DGKI: variants seen among roughly 807,000 people sequenced by gnomAD.
The protein encoded by DGKI is DAG kinase iota.
A neutral mutation model predicts 147.5 loss-of-function variants in DGKI; 55 were observed. That is an observed-to-expected ratio of 0.37 (90% CI 0.30 to 0.47). The LOEUF (loss-of-function observed/expected upper bound fraction) is 0.47, where lower values mean the gene tolerates loss of function less well. Among genes scored for constraint, DGKI ranks in the 20% least tolerant of loss-of-function variants. The pLI, the probability that DGKI is intolerant of heterozygous loss-of-function variation, is 1.00. For missense variants in DGKI, 1,007 were observed against 1,323.8 expected (o/e 0.76, Z 3.71); for synonymous variants, 469 against 477.1 (o/e 0.98, Z 0.22).
intron 1 of DGKI, among the ~76,000 whole-genome samples, chr7:137,747,251 A>G (rs1484953361): frequency 6.6e-6 from 1 of 152,146 alleles, no homozygotes; most frequent in African/African-American, 2.4e-5. Flanking sequence ...TAAAAAGTTT[A>G]CTTTCAGCCC....
chr7:137,752,413 A>T (rs1401481130), intron 1 of DGKI, among the ~76,000 whole-genome samples: 1 of 152,230 alleles, frequency 6.6e-6, no homozygotes, highest in Non-Finnish European at 1.5e-5. Context: ...AAATGTACGG[A>T]ATTCCGCTAA....
rs370450433 is a variant in DGKI at position 137,437,751 on chromosome 7, C to A, written c.2761+6326G>T. Among the ~76,000 whole-genome samples, 428 of 151,970 alleles carry A rather than the reference C, an allele frequency of 2.8e-3. 1 individual carries two copies. The highest frequency in any genetic ancestry group is 5.0e-3 in the South Asian group (24 of 4,816). ...TGGACTCATACCAAAGTTATAACAA[C>A]TAAAACAATAGCACAGGGATAGATA... On this transcript the variant is annotated intron_variant, in intron 28 of 32. Transcript: ENST00000614521.
At chr7:137,617,094 GGCAATGTACT>G (rs1156974673) in intron 8 of DGKI, among the ~76,000 whole-genome samples, 1 of 133,358 alleles carries the variant, frequency 7.5e-6, no homozygotes, top group Admixed American at 8.2e-5. Context: ...TTCCTGTGAT[GGCAATGTACT>G]GCCAGTGTAT....
In DGKI at chr7:137,466,046, A is replaced by G; in HGVS notation, c.2485-11T>C. On this transcript the variant is annotated splice_polypyrimidine_tract_variant and intron_variant, in intron 25 of 32. Transcript: ENST00000614521. ...AAAGTGCAAATGTTCCTAAAGAAGA[A>G]CAAGAAGTCTGTTGCATGAAGAATA... The G allele has an allele frequency of 6.2e-7, 1 of 1,613,254 alleles. No individual in the cohort carries two copies. The highest frequency in any genetic ancestry group is 1.1e-5 in the South Asian group (1 of 90,952).
chr7:137,715,683 C>A (rs1328015856), intron 1 of DGKI, among the ~76,000 whole-genome samples: 2 of 152,164 alleles, frequency 1.3e-5, no homozygotes, highest in African/African-American at 4.8e-5. Context: ...TGCAAATGAA[C>A]AAAGGGTGTG....
intron 6 of DGKI, among the ~76,000 whole-genome samples, chr7:137,624,409 T>A (rs1238182459): frequency 6.6e-6 from 1 of 152,192 alleles, no homozygotes; most frequent in Non-Finnish European, 1.5e-5. Flanking sequence ...CAGAAAGATG[T>A]GATAGGCAGG....
chr7:137,653,151 C>T (rs1008842424), intron 5 of DGKI, among the ~76,000 whole-genome samples: 19 of 152,146 alleles, frequency 1.2e-4, no homozygotes, highest in Non-Finnish European at 2.4e-4. Context: ...TGTGCGCGCG[C>T]GTGCGCGCAC....
At chr7:137,604,251 C>T (rs573156762) in intron 10 of DGKI, among the ~76,000 whole-genome samples, 55 of 152,298 alleles carry the variant, frequency 3.6e-4, no homozygotes, top group African/African-American at 1.3e-3. Flanking sequence ...TACTCTAAAC[C>T]TTAGGGAGCC....
At chr7:137,538,127 T>C (rs575946492) in intron 20 of DGKI, among the ~76,000 whole-genome samples, 2 of 152,322 alleles carry the variant, frequency 1.3e-5, no homozygotes, top group Non-Finnish European at 2.9e-5. Context: ...AGTTTACTTC[T>C]CTGGCCAGAG....
chr7:137,463,330 G>A (rs999716052), intron 27 of DGKI, among the ~76,000 whole-genome samples, 159 bp downstream of exon 27: 3 of 152,158 alleles, frequency 2.0e-5, no homozygotes, highest in African/African-American at 4.8e-5. Flanking sequence ...AGATAAATAT[G>A]AGCAAGGTGC....
chr7:137,718,565 G>A (rs753116459), intron 1 of DGKI, among the ~76,000 whole-genome samples: 1 of 152,230 alleles, frequency 6.6e-6, no homozygotes. Flanking sequence ...ACAGCTCCAG[G>A]CTCAGTGGCA....
At chr7:137,646,283 G>A (rs1045499356) in intron 5 of DGKI, among the ~76,000 whole-genome samples, 1 of 152,208 alleles carries the variant, frequency 6.6e-6, no homozygotes, top group Admixed American at 6.5e-5. Flanking sequence ...TCACTAGATA[G>A]AGTGAAGAAA....
intron 20 of DGKI, among the ~76,000 whole-genome samples, chr7:137,527,001 C>T (rs1190385928): frequency 6.6e-6 from 1 of 152,108 alleles, no homozygotes; most frequent in Non-Finnish European, 1.5e-5. Context: ...TCACTGGAAA[C>T]ATGAATTATA....
intron 27 of DGKI, 80 bp downstream of exon 27, chr7:137,463,409 C>T (rs1448472451): frequency 6.4e-7 from 1 of 1,553,584 alleles, no homozygotes; most frequent in Non-Finnish European, 8.7e-7. Context: ...GAATCCTGAC[C>T]ACTGGGGCAC....
chr7:137,515,215 C>T (rs998710908), intron 21 of DGKI, among the ~76,000 whole-genome samples: 13 of 152,190 alleles, frequency 8.5e-5, no homozygotes, highest in African/African-American at 3.1e-4. Context: ...CTCTTGCTGA[C>T]CACCTTATCA....
chr7:137,391,447 C>T, intron 32 of DGKI, 111 bp from the exon 33 acceptor site: 1 of 735,782 alleles, frequency 1.4e-6, no homozygotes, highest in South Asian at 1.8e-5. Flanking sequence ...AGAAACAGAA[C>T]TACGCAAGGA....
intron 2 of DGKI, among the ~76,000 whole-genome samples, chr7:137,687,312 C>T (rs1242106708): frequency 6.6e-6 from 1 of 152,184 alleles, no homozygotes; most frequent in Non-Finnish European, 1.5e-5. Context: ...ATCAAAGAGG[C>T]TCCAACCCTT....
intron 1 of DGKI, among the ~76,000 whole-genome samples, chr7:137,756,847 C>A (rs1795699549): frequency 6.6e-6 from 1 of 152,164 alleles, no homozygotes; most frequent in Admixed American, 6.5e-5. Flanking sequence ...CATTCCAAAG[C>A]CCTCTCCTAA....
chr7:137,706,504 T>TATTTTATTTC (rs1398857517), intron 1 of DGKI, among the ~76,000 whole-genome samples: 2 of 149,584 alleles, frequency 1.3e-5, no homozygotes, highest in African/African-American at 4.9e-5. Flanking sequence ...TATTTTATTT[T>TATTTTATTTC]ATTTTATTTC....
Sources: gnomAD v4.1 joint callset for allele counts (sites outside exome capture counted in the v4.1 genomes callset) on GRCh38, gnomAD v4.1.1 for gene constraint, MANE v1.5 for transcripts, NCBI Gene and HGNC (gene_info 2026-07-23, HGNC 2026-07-21) for gene names.